The following RNF220 variants were observed in gnomAD, a reference collection of about 807,000 sequenced individuals.
RNF220 encodes E3 ubiquitin-protein ligase RNF220.
Under a neutral mutation model 67.1 loss-of-function variants are expected in RNF220, and 7 were observed. The ratio of observed to expected loss-of-function variants is 0.10; its 90% CI spans 0.06 to 0.20. RNF220 has a LOEUF of 0.20. Ranked by LOEUF, RNF220 falls within the 10% of genes least tolerant of loss-of-function variation. The pLI is 1.00. For missense variants in RNF220, 565 were observed against 740.3 expected (o/e 0.76, Z 2.75); for synonymous variants, 270 against 283.2 (o/e 0.95, Z 0.47).
At chr1:44,607,076 TC>T (rs1430910537) in intron 2 of RNF220, among the ~76,000 whole-genome samples, 2 of 152,164 alleles carry the variant, frequency 1.3e-5, no homozygotes, top group East Asian at 3.8e-4. Flanking sequence ...CTCTTTTCTG[TC>T]CCTTAACTTC....
intron 2 of RNF220, among the ~76,000 whole-genome samples, chr1:44,475,675 T>C (rs1655235549): frequency 6.6e-6 from 1 of 151,498 alleles, no homozygotes; most frequent in Admixed American, 6.6e-5. Flanking sequence ...AGAGTTTCTC[T>C]GTAATAGGAT....
intron 2 of RNF220, among the ~76,000 whole-genome samples, chr1:44,595,164 T>C (rs748826982): frequency 6.6e-6 from 1 of 152,182 alleles, no homozygotes; most frequent in Non-Finnish European, 1.5e-5. Context: ...AAGTGTTCCA[T>C]GGACACTTAA....
rs368735304 is a variant in RNF220, at chr1:44,645,380, G to T, written c.1367-30G>T. 4.3e-6 allele frequency: 7 copies of T among 1,613,716 alleles called. No homozygotes were observed. Among genetic ancestry groups the T allele is most frequent in the African/African-American group, 2.7e-5 (2 of 74,892 alleles). On this transcript the variant is annotated intron_variant, in intron 11 of 14. Transcript: ENST00000361799. The surrounding 1 kb of genome is among the most constrained non-coding windows in gnomAD (Gnocchi z 5.0). ...CTCACCTGTGCTGCCCAGTCTGGCC[G>T]GAGTGTGAGTTGCCCCTCTGTCCCA...
chr1:44,427,041 TCTA>T (rs1649860630), intron 2 of RNF220, among the ~76,000 whole-genome samples: 1 of 152,198 alleles, frequency 6.6e-6, no homozygotes, highest in Admixed American at 6.5e-5. Flanking sequence ...TCAAGCACTT[TCTA>T]TATGTCAGGC....
In RNF220 at chr1:44,497,338, G is replaced by GACACAC. The variant is rs10578430; in HGVS notation, c.625+84638_625+84643dup. Among the ~76,000 whole-genome samples the GACACAC allele has an allele frequency of 1.6e-3, 240 of 148,052 alleles. No homozygotes were observed. In the Middle Eastern group the frequency reaches 0.024, roughly 15 times the overall value. On this transcript the variant is annotated intron_variant, in intron 2 of 14. Coordinates refer to ENST00000361799, the MANE Select transcript of RNF220 (RefSeq NM_018150.4). Reference sequence around the variant, plus strand: ...TCTATATGATAATCTCCCCTTCCCTGACACACACACACACACACACACACA... The same window carrying GACACAC: ...TCTATATGATAATCTCCCCTTCCCTGACACACACACACACACACACACACACACACA...
At chr1:44,514,671 G>T (rs1190539078) in intron 2 of RNF220, among the ~76,000 whole-genome samples, 1 of 152,114 alleles carries the variant, frequency 6.6e-6, no homozygotes, top group Non-Finnish European at 1.5e-5. Context: ...CAGCTATTGG[G>T]CTACTTTTTA....
intron 2 of RNF220, among the ~76,000 whole-genome samples, chr1:44,458,275 A>G: frequency 6.6e-6 from 1 of 151,780 alleles, no homozygotes; most frequent in East Asian, 1.9e-4. Flanking sequence ...AAAAATAACA[A>G]GAAACTTAAA....
intron 2 of RNF220, among the ~76,000 whole-genome samples, chr1:44,555,749 A>G (rs950030256): frequency 2.7e-5 from 4 of 150,630 alleles, no homozygotes; most frequent in Non-Finnish European, 2.9e-5. Context: ...TGCTGAGATT[A>G]CAGGCGTGAG....
chr1:44,526,953 T>G (rs1660425619), intron 2 of RNF220, among the ~76,000 whole-genome samples: 1 of 152,064 alleles, frequency 6.6e-6, no homozygotes. Flanking sequence ...CTTCTACTCC[T>G]GCTCATTCTC....
At chr1:44,509,164 C>A (rs1045976754) in intron 2 of RNF220, among the ~76,000 whole-genome samples, 1 of 152,204 alleles carries the variant, frequency 6.6e-6, no homozygotes, top group Non-Finnish European at 1.5e-5. Flanking sequence ...CTCAAGTGAG[C>A]TGAGGCAAAA....
intron 2 of RNF220, among the ~76,000 whole-genome samples, chr1:44,559,525 G>A (rs1663391508): frequency 6.6e-6 from 1 of 152,262 alleles, no homozygotes; most frequent in African/African-American, 2.4e-5. Context: ...AAGGAGGAAG[G>A]GAGGGCGGCG....
chr1:44,632,474 T>C (rs931930018), intron 6 of RNF220, 89 bp downstream of exon 6: 11 of 1,118,428 alleles, frequency 9.8e-6, no homozygotes, highest in Non-Finnish European at 1.2e-5. Context: ...TGCCTGGGTC[T>C]CTTCGACTCT....
chr1:44,646,813 A>T (rs1644664443), intron 12 of RNF220, among the ~76,000 whole-genome samples: 1 of 152,146 alleles, frequency 6.6e-6, no homozygotes, highest in African/African-American at 2.4e-5. Flanking sequence ...AGAGCTCTCC[A>T]CTGGGTCTGG....
At chr1:44,427,286 C>T (rs1172053252) in intron 2 of RNF220, among the ~76,000 whole-genome samples, 1 of 152,142 alleles carries the variant, frequency 6.6e-6, no homozygotes, top group Non-Finnish European at 1.5e-5. Flanking sequence ...GTCAGATTCA[C>T]GAGGTAACAA....
At chr1:44,458,691 C>T (rs940078390) in intron 2 of RNF220, among the ~76,000 whole-genome samples, 5 of 152,176 alleles carry the variant, frequency 3.3e-5, no homozygotes, top group East Asian at 1.9e-4. Context: ...TCTTTCTTTT[C>T]GCACGATTGG....
At chr1:44,459,328 C>A (rs919219909) in intron 2 of RNF220, among the ~76,000 whole-genome samples, 1 of 152,124 alleles carries the variant, frequency 6.6e-6, no homozygotes, top group Admixed American at 6.6e-5. Flanking sequence ...TCTCAGCCTT[C>A]TCCCAGAATT....
chr1:44,605,583 A>G (rs947375497), intron 2 of RNF220, among the ~76,000 whole-genome samples: 11 of 152,250 alleles, frequency 7.2e-5, no homozygotes, highest in Non-Finnish European at 1.2e-4. Context: ...CAATAAATTT[A>G]TAATCTAAAG....
intron 2 of RNF220, among the ~76,000 whole-genome samples, chr1:44,422,806 A>G (rs561016613): frequency 8.5e-5 from 13 of 152,334 alleles, no homozygotes; most frequent in African/African-American, 3.1e-4. Context: ...TTTTACCTCC[A>G]TAAGATACTG....
rs986140394 is a variant in RNF220 at position 44,486,326 on chromosome 1, C to A, written c.625+73604C>A. Among the ~76,000 whole-genome samples the A allele has an allele frequency of 2.0e-5, 3 of 152,098 alleles. No homozygotes were observed. The East Asian group carries it at 5.8e-4, about 29-fold the overall frequency. ...AGAGCTCAGAGGCTCCAGCAGGGGC[C>A]AGAGCTTCAAAGTCAGAGAAAATCA... On this transcript the variant is annotated intron_variant, in intron 2 of 14. Coordinates refer to ENST00000361799, the MANE Select transcript of RNF220 (RefSeq NM_018150.4).
Sources: allele counts gnomAD v4.1 joint callset (sites outside exome capture counted in the v4.1 genomes callset), GRCh38; gene constraint gnomAD v4.1.1; non-coding constraint Gnocchi (gnomAD v3.1); transcripts MANE v1.5; gene names NCBI Gene and HGNC (gene_info 2026-07-23, HGNC 2026-07-21).